Variants in OTUD7A observed in about 807,000 individuals in gnomAD.
OTUD7A encodes OTU deubiquitinase 7A.
Under a neutral mutation model 65.7 loss-of-function variants are expected in OTUD7A, and 12 were observed. That is an observed-to-expected ratio of 0.18 (90% CI 0.12 to 0.30). OTUD7A has a LOEUF of 0.30. Among genes scored for constraint, OTUD7A ranks in the 10% least tolerant of loss-of-function variants. The pLI is 1.00. For missense variants in OTUD7A, 1,148 were observed against 1,304.8 expected (o/e 0.88, Z 1.85); for synonymous variants, 641 against 586.3 (o/e 1.09, Z -1.35).
At chr15:31,745,863 A>T (rs1045112785) in intron 1 of OTUD7A, among the ~76,000 whole-genome samples, 1 of 152,178 alleles carries the variant, frequency 6.6e-6, no homozygotes, top group Non-Finnish European at 1.5e-5. Flanking sequence ...AATTTTTTTA[A>T]AAAAATTGCC....
intron 3 of OTUD7A, among the ~76,000 whole-genome samples, chr15:31,621,797 A>G (rs189194971): frequency 0.26 from 36,385 of 141,194 alleles, 5,851 homozygotes; most frequent in African/African-American, 0.43. Flanking sequence ...TGTGAATCTG[A>G]TACTGCCATT....
intron 10 of OTUD7A, among the ~76,000 whole-genome samples, chr15:31,501,147 G>C (rs2041459729): frequency 6.6e-6 from 1 of 152,244 alleles, no homozygotes; most frequent in Non-Finnish European, 1.5e-5. Flanking sequence ...CCCTGGAGCA[G>C]GGGTGAGCAA....
In OTUD7A at chr15:31,484,801, G is replaced by T; in HGVS notation, c.1372-77C>A. On this transcript the variant is annotated intron_variant, in intron 12 of 12. Coordinates refer to ENST00000307050, the MANE Select transcript of OTUD7A (RefSeq NM_001382637.1). This position sits in a 1 kb window ranked among gnomAD's most constrained non-coding sequence, Gnocchi z 4.5. Reference sequence around the variant, plus strand: ...CGCGCCAGCGAGGAAGACACACCTTGCCCCTGTGTTGCCGAGGCTAGGGCC... The same window carrying T: ...CGCGCCAGCGAGGAAGACACACCTTTCCCCTGTGTTGCCGAGGCTAGGGCC... 1.3e-6 allele frequency: 2 copies of T among 1,520,084 alleles called. No individual in the cohort carries two copies. Among genetic ancestry groups the T allele is most frequent in the African/African-American group, 2.7e-5 (2 of 73,466 alleles). The allele number at this position is 1,520,084 out of a possible 1,614,324, so 94.2% of individuals were successfully genotyped here. A position where few individuals can be genotyped will look rare whatever the true frequency, so the allele number is the denominator to read the frequency against.
chr15:31,650,147 G>A (rs1891795469), intron 3 of OTUD7A, among the ~76,000 whole-genome samples: 1 of 96,192 alleles, frequency 1.0e-5, no homozygotes, highest in Non-Finnish European at 1.9e-5. Context: ...CATCAGGCCA[G>A]GCAAACTTCC....
At chr15:31,580,108 C>G (rs948770157) in intron 3 of OTUD7A, among the ~76,000 whole-genome samples, 1 of 152,160 alleles carries the variant, frequency 6.6e-6, no homozygotes, top group African/African-American at 2.4e-5. Context: ...AAGAATCCAG[C>G]AGGGTGAGCA....
intron 1 of OTUD7A, among the ~76,000 whole-genome samples, chr15:31,789,185 T>C (rs1895751253): frequency 6.6e-6 from 1 of 152,174 alleles, no homozygotes; most frequent in South Asian, 2.1e-4. Context: ...TAAGCAACAC[T>C]GACTGAGCAT....
chr15:31,518,158 T>A (rs79065712), intron 8 of OTUD7A, among the ~76,000 whole-genome samples: 7,252 of 152,202 alleles, frequency 0.048, 216 homozygotes, highest in Middle Eastern at 0.11. Context: ...GTGTTGGTTT[T>A]TGGTGTACCC....
intron 10 of OTUD7A, among the ~76,000 whole-genome samples, chr15:31,490,076 A>G (rs2041296592): frequency 6.6e-6 from 1 of 152,240 alleles, no homozygotes; most frequent in South Asian, 2.1e-4. Context: ...GAGCCCAGGG[A>G]CAGTTCCGGC....
intron 3 of OTUD7A, among the ~76,000 whole-genome samples, chr15:31,571,033 G>A (rs1425122585): frequency 2.0e-5 from 3 of 152,088 alleles, no homozygotes; most frequent in Non-Finnish European, 4.4e-5. Context: ...ATGTAGATTT[G>A]GAATGTTCCC....
chr15:31,770,903 C>T (rs1030097541), intron 1 of OTUD7A, among the ~76,000 whole-genome samples: 1 of 152,076 alleles, frequency 6.6e-6, no homozygotes, highest in African/African-American at 2.4e-5. Context: ...AAAAGGACTC[C>T]CGCAACCTGA....
intron 3 of OTUD7A, among the ~76,000 whole-genome samples, chr15:31,647,827 A>C (rs1161511542): frequency 1.3e-5 from 2 of 151,838 alleles, no homozygotes; most frequent in Non-Finnish European, 1.5e-5. Context: ...GCTGTCGGGG[A>C]GTTCATGATC....
rs189293840 is a variant in OTUD7A at position 31,852,717 on chromosome 15, C to T, written c.-100+17790G>A. ...AAGTGGGCTTGAACACTGATACCTG[C>T]CTGGCAGGGTAGCTGTGAAATCTAA... On this transcript the variant is annotated intron_variant, in intron 1 of 12. Coordinates refer to ENST00000307050, the MANE Select transcript of OTUD7A (RefSeq NM_001382637.1). 7.9e-4 allele frequency among the ~76,000 whole-genome samples: 121 copies of T among 152,318 alleles called. 1 individual carries two copies. Among genetic ancestry groups the T allele is most frequent in the African/African-American group, 2.7e-3 (114 of 41,564 alleles).
chr15:31,538,994 A>C (rs1887896962), intron 5 of OTUD7A, among the ~76,000 whole-genome samples: 1 of 152,228 alleles, frequency 6.6e-6, no homozygotes. Context: ...AATGCTGACG[A>C]ATATGTGCTG....
At chr15:31,666,207 T>C (rs1340835878) in intron 1 of OTUD7A, among the ~76,000 whole-genome samples, 1 of 151,788 alleles carries the variant, frequency 6.6e-6, no homozygotes, top group Non-Finnish European at 1.5e-5. Context: ...TTTCTCTGTC[T>C]TGTGGAATAG....
rs1451594356 is a variant in OTUD7A, at chr15:31,559,199, GA to G, written c.332-13del. On this transcript the variant is annotated splice_polypyrimidine_tract_variant and intron_variant, in intron 4 of 12. Transcript: ENST00000307050. The stretch of plus-strand genomic sequence containing the variant: ...GGAAAGCCGCTTTTCTGCAGGGGGA[GA>G]AGGAAAGATAGCCCCAAGGGCTGAG... 3 of 1,610,536 alleles carry G rather than the reference GA, an allele frequency of 1.9e-6. No individual in the cohort carries two copies. In the East Asian group the frequency reaches 6.7e-5, roughly 36 times the overall value.
intron 1 of OTUD7A, among the ~76,000 whole-genome samples, chr15:31,826,482 CG>C (rs1319072633): frequency 6.6e-6 from 1 of 152,170 alleles, no homozygotes; most frequent in East Asian, 1.9e-4. Context: ...GCCCAGCCCA[CG>C]AAACCACTTT....
chr15:31,620,732 A>C lies in OTUD7A; in HGVS notation c.151+34364T>G, dbSNP rs143284950. On this transcript the variant is annotated intron_variant, in intron 3 of 12. Coordinates refer to ENST00000307050, the MANE Select transcript of OTUD7A (RefSeq NM_001382637.1). ...CAAAAAACCAGCTCCTGGATTCATT[A>C]ATTTTTTGAAGGGTTTTTTGTGTCT... 7.9e-4 allele frequency among the ~76,000 whole-genome samples: 81 copies of C among 102,450 alleles called. 10 individuals carry two copies. In the South Asian group the frequency reaches 0.021, roughly 26 times the overall value. The allele number at this position is 102,450 out of a possible 152,430, so 67.2% of individuals were successfully genotyped here.
chr15:31,501,367 C>T (rs1178032014), intron 10 of OTUD7A, among the ~76,000 whole-genome samples: 2 of 152,060 alleles, frequency 1.3e-5, no homozygotes, highest in Non-Finnish European at 2.9e-5. Context: ...AAGTTTTTTT[C>T]CCTTTAATTT....
At chr15:31,843,149 T>G (rs1464517163) in intron 1 of OTUD7A, among the ~76,000 whole-genome samples, 2 of 151,906 alleles carry the variant, frequency 1.3e-5, no homozygotes, top group Admixed American at 1.3e-4. Context: ...TCCCACTGGA[T>G]TGCTTTCCTG....
Sources: gnomAD v4.1 joint callset for allele counts (sites outside exome capture counted in the v4.1 genomes callset) on GRCh38, gnomAD v4.1.1 for gene constraint, Gnocchi (gnomAD v3.1) non-coding constraint, MANE v1.5 for transcripts, NCBI Gene and HGNC (gene_info 2026-07-23, HGNC 2026-07-21) for gene names.